The following SEMA6B variants were observed in gnomAD, a reference collection of about 807,000 sequenced individuals.
SEMA6B encodes semaphorin-6B.
A neutral mutation model predicts 78.6 loss-of-function variants in SEMA6B; 47 were observed. The ratio of observed to expected loss-of-function variants is 0.60; its 90% CI spans 0.47 to 0.76. The LOEUF is 0.76. Ranked by LOEUF, SEMA6B falls within the 30% of genes least tolerant of loss-of-function variation. SEMA6B has a pLI of 0.00. For synonymous variants in SEMA6B, 632 were observed against 592.2 expected, an observed-to-expected ratio of 1.07 and a Z score of -0.98; for missense variants, 1,213 against 1,269.9, an observed-to-expected ratio of 0.96 and a Z score of 0.68.
rs373521467 is a variant in SEMA6B, at chr19:4,548,138, C to T, written c.1490G>A (p.Arg497Gln). The change falls in exon 14 of 17, where the codon CGG becomes CAG. Residue 497 changes from arginine (R) to glutamine (Q), a missense_variant. By Grantham distance (43) the Arg-to-Gln change is conservative (BLOSUM62 1). Transcript: ENST00000586582. ...TGCGTCCAGCTCCAAGCTCAGCAGC[C>T]GCTGCCCTGTCTCGCCACCGCCGGG... The part of the protein sequence containing the change: ...GRPGGGETGQ[R>Q]LLSLELDAAS... The T allele has an allele frequency of 1.4e-4, 217 of 1,591,500 alleles. No homozygotes were observed. The Middle Eastern group carries it at 3.7e-3, about 27-fold the overall frequency.
chr19:4,555,687 A>G lies in SEMA6B; in HGVS notation c.472-123T>C, dbSNP rs543827754. ...CACGGATTACTGTGTGACCTTGGCC[A>G]CTCACTTAACCTCTCAGGGCCTCAG... On this transcript the variant is annotated intron_variant, in intron 6 of 16. Transcript: ENST00000586582. The surrounding 1 kb of genome is among the most constrained non-coding windows in gnomAD (Gnocchi z 6.1). 2.7e-5 allele frequency: 22 copies of G among 803,682 alleles called. No individual in the cohort carries two copies. In the South Asian group the frequency reaches 3.3e-4, roughly 12 times the overall value. The allele number at this position is 803,682 out of a possible 1,614,324, so 49.8% of individuals were successfully genotyped here. A position where few individuals can be genotyped will look rare whatever the true frequency, so the allele number is the denominator to read the frequency against.
In SEMA6B at chr19:4,550,704, G is replaced by T; in HGVS notation, c.1121+95C>A. The T allele has an allele frequency of 1.4e-6, 2 of 1,425,760 alleles. No homozygotes were observed. Among genetic ancestry groups the T allele is most frequent in the Non-Finnish European group, 1.9e-6 (2 of 1,032,428 alleles). 88.3% of individuals were successfully genotyped at this position (1,425,760 alleles called of 1,614,324 possible). A position where few individuals can be genotyped will look rare whatever the true frequency, so the allele number is the denominator to read the frequency against. On this transcript the variant is annotated intron_variant, in intron 11 of 16. Transcript: ENST00000586582. This position sits in a 1 kb window ranked among gnomAD's most constrained non-coding sequence, Gnocchi z 6.6. Reference sequence around the variant, plus strand: ...TGTATAACGGGTACAGCTGAACTCAGCATCAGCTAAATAACCACCCGGAAG... The same window carrying T: ...TGTATAACGGGTACAGCTGAACTCATCATCAGCTAAATAACCACCCGGAAG...
At position 4,547,523 on chromosome 19, in the gene SEMA6B, G is replaced by A. The variant is rs1030069475; in HGVS notation, c.1601+504C>T. 5.9e-5 allele frequency among the ~76,000 whole-genome samples: 9 copies of A among 152,190 alleles called. No individual in the cohort carries two copies. In the South Asian group the frequency reaches 1.0e-3, roughly 17 times the overall value. ...TTGACGGCTCACATGGAGTGCAGGCGTGTGCCAGCACTGGCATGCATCCTA... is the reference window on the plus strand; with the variant it reads ...TTGACGGCTCACATGGAGTGCAGGCATGTGCCAGCACTGGCATGCATCCTA... On this transcript the variant is annotated intron_variant, in intron 14 of 16. Coordinates refer to ENST00000586582, the MANE Select transcript of SEMA6B (RefSeq NM_032108.4).
intron 16 of SEMA6B, 22 bp downstream of exon 16, chr19:4,546,194 G>A (rs1402535887): frequency 8.8e-6 from 14 of 1,592,048 alleles, no homozygotes; most frequent in Non-Finnish European, 1.2e-5. Context: ...GGGGGTCTTA[G>A]CCTGCCGTCC....
In SEMA6B at chr19:4,543,361, C is replaced by A; in HGVS notation, c.*240G>T. 4.7e-6 allele frequency: 2 copies of A among 425,044 alleles called. No homozygotes were observed. The highest frequency in any genetic ancestry group is 8.3e-6 in the Non-Finnish European group (2 of 241,582). The allele number at this position is 425,044 out of a possible 1,614,324, so 26.3% of individuals were successfully genotyped here. ...ACGCGCATAAGGTCAACCTCAAATCCATAGCAAAGTCCTCCCGCCCACCCA... is the reference window on the plus strand; with the variant it reads ...ACGCGCATAAGGTCAACCTCAAATCAATAGCAAAGTCCTCCCGCCCACCCA... On this transcript the variant is annotated 3_prime_UTR_variant, in exon 17 of 17. Coordinates refer to ENST00000586582, the MANE Select transcript of SEMA6B (RefSeq NM_032108.4).
At position 4,555,922 on chromosome 19, in the gene SEMA6B, C is replaced by T; in HGVS notation, c.471+66G>A. 1 of 1,272,556 alleles carries T rather than the reference C, an allele frequency of 7.9e-7. No homozygotes were observed. Among genetic ancestry groups the T allele is most frequent in the Non-Finnish European group, 1.2e-6 (1 of 869,526 alleles). The allele number at this position is 1,272,556 out of a possible 1,614,324, so 78.8% of individuals were successfully genotyped here. ...ACACGGCCTGGGGAAAAGCCATGGC[C>T]AGCGGAGGTCGGGCGAGCAGAGGCC... On this transcript the variant is annotated intron_variant, in intron 6 of 16. Coordinates refer to ENST00000586582, the MANE Select transcript of SEMA6B (RefSeq NM_032108.4). This position sits in a 1 kb window ranked among gnomAD's most constrained non-coding sequence, Gnocchi z 6.1.
chr19:4,553,419 G>A (rs1333063224), intron 9 of SEMA6B, among the ~76,000 whole-genome samples: 1 of 63,888 alleles, frequency 1.6e-5, no homozygotes, highest in African/African-American at 6.8e-5. Context: ...GGATAGGTGA[G>A]TTGGATGGGT....
chr19:4,546,388 G>T lies in SEMA6B; in HGVS notation c.1679+4C>A. On this transcript the variant is annotated splice_donor_region_variant and intron_variant, in intron 15 of 16. Transcript: ENST00000586582. ...CCTCCACCCACCTCCCTCTCCCGCAGTACCTGGTGCCCGGGCTGAGGAAGA... is the reference window on the plus strand; with the variant it reads ...CCTCCACCCACCTCCCTCTCCCGCATTACCTGGTGCCCGGGCTGAGGAAGA... 6.3e-7 allele frequency: 1 copy of T among 1,584,940 alleles called. No individual in the cohort carries two copies. The highest frequency in any genetic ancestry group is 8.6e-7 in the Non-Finnish European group (1 of 1,164,992).
chr19:4,545,295 C>T lies in SEMA6B; in HGVS notation c.1739-766G>A, dbSNP rs113702820. ...GGTGGAGGTTGCAGTGAGCTGAGAT[C>T]ACACTACTGCACTCCAGCCTGGGTG... On this transcript the variant is annotated intron_variant, in intron 16 of 16. Transcript: ENST00000586582. 7.6e-3 allele frequency among the ~76,000 whole-genome samples: 1,121 copies of T among 147,106 alleles called. 11 individuals are homozygous for T. Among genetic ancestry groups the T allele is most frequent in the Non-Finnish European group, 0.012 (793 of 67,148 alleles).
chr19:4,549,309 T>TTTC, intron 12 of SEMA6B, among the ~76,000 whole-genome samples: 1 of 143,162 alleles, frequency 7.0e-6, no homozygotes. Flanking sequence ...CTTTTTTTTT[T>TTTC]TTTTTTTTTT....
At chr19:4,548,556 T>C in intron 12 of SEMA6B, 111 bp from the exon 13 acceptor site, 2 of 971,628 alleles carry the variant, frequency 2.1e-6, no homozygotes, top group Non-Finnish European at 3.1e-6. Context: ...CACCAACACA[T>C]GTGACAGCAA....
chr19:4,559,003 G>A (rs1309478301), intron 1 of SEMA6B, among the ~76,000 whole-genome samples: 1 of 152,030 alleles, frequency 6.6e-6, no homozygotes, highest in Non-Finnish European at 1.5e-5. Context: ...AGACCGGCCT[G>A]CCTAACATAG....
rs1977077847 is a variant in SEMA6B, at chr19:4,543,609, C to T, written c.2659G>A (p.Val887Met). The change falls in exon 17 of 17, where the codon GTG becomes ATG. Residue 887 changes from valine to methionine, a missense_variant. Val to Met is a conservative substitution (Grantham distance 21). Transcript: ENST00000586582. ...YGGADRTAPP[V>M]P ...ATCGGGGGGCCCCCGGCCTAGGGCA[C>T]GGGGGGCGCAGTCCTGTCCGCCCCC... 2.4e-6 allele frequency: 3 copies of T among 1,234,098 alleles called. No individual in the cohort carries two copies. The highest frequency in any genetic ancestry group is 3.0e-6 in the Non-Finnish European group (3 of 987,882). The allele number at this position is 1,234,098 out of a possible 1,614,324, so 76.4% of individuals were successfully genotyped here.
At chr19:4,548,769 G>T (rs980873631) in intron 12 of SEMA6B, among the ~76,000 whole-genome samples, 4 of 152,210 alleles carry the variant, frequency 2.6e-5, no homozygotes, top group Non-Finnish European at 5.9e-5. Flanking sequence ...CCGGGTTCAA[G>T]CAATTCTCTT....
chr19:4,550,014 G>A lies in SEMA6B; in HGVS notation c.1271+109C>T, dbSNP rs1373312797. ...GTCTCTCTGTGTCTCCAGCTCTCTG[G>A]GCAGCGCCGGAAGCCATGGGCTCAT... On this transcript the variant is annotated intron_variant, in intron 12 of 16. Coordinates refer to ENST00000586582, the MANE Select transcript of SEMA6B (RefSeq NM_032108.4). This position sits in a 1 kb window ranked among gnomAD's most constrained non-coding sequence, Gnocchi z 6.6. The A allele has an allele frequency of 2.9e-6, 3 of 1,032,848 alleles. No homozygotes were observed. Among genetic ancestry groups the A allele is most frequent in the Non-Finnish European group, 4.3e-6 (3 of 704,206 alleles). 64.0% of individuals were successfully genotyped at this position (1,032,848 alleles called of 1,614,324 possible). A position where few individuals can be genotyped will look rare whatever the true frequency, so the allele number is the denominator to read the frequency against.
Position 4,542,946 on chromosome 19 carries a change from G to C in SEMA6B, c.*655C>G, listed in dbSNP as rs894271488. ...CCTAACCGGCACCTCGGAGACCCCC[G>C]GGCCTTCTGGAAGCCCCAGCGTCGG... On this transcript the variant is annotated 3_prime_UTR_variant, in exon 17 of 17. Coordinates refer to ENST00000586582, the MANE Select transcript of SEMA6B (RefSeq NM_032108.4). 3.7e-5 allele frequency: 26 copies of C among 700,426 alleles called. No homozygotes were observed. The highest frequency in any genetic ancestry group is 6.0e-5 in the Non-Finnish European group (23 of 384,764). 43.4% of individuals were successfully genotyped at this position (700,426 alleles called of 1,614,324 possible).
chr19:4,552,585 G>A lies in SEMA6B; in HGVS notation c.826C>T (p.Arg276Cys), dbSNP rs1339101054. 1.2e-6 allele frequency: 2 copies of A among 1,612,320 alleles called. No homozygotes were observed. Among genetic ancestry groups the A allele is most frequent in the Non-Finnish European group, 1.7e-6 (2 of 1,179,608 alleles). The change falls in exon 10 of 17, where the codon CGC becomes TGC. Residue 276 changes from arginine to cysteine, a missense_variant. Transcript: ENST00000586582. This position sits in a 1 kb window ranked among gnomAD's most constrained non-coding sequence, Gnocchi z 7.4. ...VCKNDVGGSP[R>C]VLEKQWTSFL... ...GACGTCCACTGCTTCTCCAGCACGC[G>A]GGGGGAGCCTCCCACGTCGTTCTTG...
At position 4,543,431 on chromosome 19, in the gene SEMA6B, G is replaced by A. The variant is rs1219902878; in HGVS notation, c.*170C>T. The A allele has an allele frequency of 5.0e-6, 2 of 397,230 alleles. No homozygotes were observed. Among genetic ancestry groups the A allele is most frequent in the African/African-American group, 4.1e-5 (2 of 48,200 alleles). The allele number at this position is 397,230 out of a possible 1,614,324, so 24.6% of individuals were successfully genotyped here. ...TCCTGCGGCCCCGGGTAGGGGGAGG[G>A]CGAGCTGGTTGTGCTTCCTTGTGGC... On this transcript the variant is annotated 3_prime_UTR_variant, in exon 17 of 17. Transcript: ENST00000586582.
chr19:4,542,825 G>A lies in SEMA6B; in HGVS notation c.*776C>T. 1 of 701,420 alleles carries A rather than the reference G, an allele frequency of 1.4e-6. No homozygotes were observed. Among genetic ancestry groups the A allele is most frequent in the Non-Finnish European group, 2.6e-6 (1 of 384,630 alleles). 43.4% of individuals were successfully genotyped at this position (701,420 alleles called of 1,614,324 possible). ...CCCCCAAGCCCTTTAGACAGCTGCTGCCGATGTGACTTCCGGGCAGGCCCT... is the reference window on the plus strand; with the variant it reads ...CCCCCAAGCCCTTTAGACAGCTGCTACCGATGTGACTTCCGGGCAGGCCCT... On this transcript the variant is annotated 3_prime_UTR_variant, in exon 17 of 17. Coordinates refer to ENST00000586582, the MANE Select transcript of SEMA6B (RefSeq NM_032108.4).
Sources: gnomAD v4.1 joint callset for allele counts (sites outside exome capture counted in the v4.1 genomes callset) on GRCh38, gnomAD v4.1.1 for gene constraint, Gnocchi (gnomAD v3.1) non-coding constraint, MANE v1.5 for transcripts, NCBI Gene and HGNC (gene_info 2026-07-23, HGNC 2026-07-21) for gene names.